Variants in CIZ1 observed in about 807,000 individuals in gnomAD.
CIZ1 encodes cip1-interacting zinc finger protein.
A neutral mutation model predicts 118.6 loss-of-function variants in CIZ1; 58 were observed. The observed-to-expected ratio is 0.49, with a 90% CI of 0.40 to 0.61. CIZ1 has a LOEUF of 0.61. Among genes scored for constraint, CIZ1 ranks in the 20% least tolerant of loss-of-function variants. The pLI, the probability that CIZ1 is intolerant of heterozygous loss-of-function variation, is 0.00. For synonymous variants in CIZ1, 448 were observed against 443.4 expected, an observed-to-expected ratio of 1.01 and a Z score of -0.13; for missense variants, 921 against 1,115.9, an observed-to-expected ratio of 0.83 and a Z score of 2.49.
chr9:128,181,820 C>T (rs1176857510), intron 5 of CIZ1, among the ~76,000 whole-genome samples: 1 of 152,072 alleles, frequency 6.6e-6, no homozygotes, highest in Non-Finnish European at 1.5e-5. Flanking sequence ...GACTCTGCTC[C>T]TCCACCTCTT....
At position 128,166,340 on chromosome 9, in the gene CIZ1, C is replaced by T; in HGVS notation, c.2554G>A (p.Ala852Thr). The change falls in exon 17 of 17, where the codon GCC becomes ACC. Residue 852 changes from alanine to threonine, a missense_variant. Ala to Thr is a moderately conservative substitution (Grantham distance 58). Transcript: ENST00000372938. The surrounding 1 kb of genome is among the most constrained non-coding windows in gnomAD (Gnocchi z 4.4). ...AACAGGGCTGTCAAAGCGTTCCGGG[C>T]GTTGATTGCGCACCGGCGGCTCACA... ...RPVSRRCAINARNALTALFTS... is the reference protein window; with the variant it reads ...RPVSRRCAINTRNALTALFTS... 1.9e-6 allele frequency: 3 copies of T among 1,564,550 alleles called. No homozygotes were observed. The highest frequency in any genetic ancestry group is 2.6e-6 in the Non-Finnish European group (3 of 1,154,180).
At chr9:128,186,641 AGGC>A (rs1832410982) in intron 4 of CIZ1, among the ~76,000 whole-genome samples, 1 of 152,148 alleles carries the variant, frequency 6.6e-6, no homozygotes, top group South Asian at 2.1e-4. Flanking sequence ...TGGGTAGCAA[AGGC>A]CATTCCTCAC....
intron 5 of CIZ1, among the ~76,000 whole-genome samples, chr9:128,181,767 G>C (rs139415973): frequency 8.2e-5 from 6 of 73,110 alleles, no homozygotes; most frequent in Non-Finnish European, 1.5e-4. Context: ...GGAAAGGCGG[G>C]GGGGGGGGGG....
chr9:128,180,659 C>T, intron 6 of CIZ1, 62 bp downstream of exon 6: 1 of 1,413,644 alleles, frequency 7.1e-7, no homozygotes, highest in South Asian at 1.2e-5. Flanking sequence ...CACCTGCTGA[C>T]CCGCCCACTG....
At chr9:128,174,167 AC>A (rs1174587934) in intron 11 of CIZ1, among the ~76,000 whole-genome samples, 1 of 151,918 alleles carries the variant, frequency 6.6e-6, no homozygotes, top group Non-Finnish European at 1.5e-5. Flanking sequence ...TCCTGGGAAC[AC>A]CCCCCTGCCT....
In CIZ1 at chr9:128,166,582, C is replaced by T. The variant is rs1829454917; in HGVS notation, c.2488-176G>A. ...GCTAACAGCCTGGCACTCAGCATCCCCTTGAACAATAAGAGCCCAACCCCA... is the reference window on the plus strand; with the variant it reads ...GCTAACAGCCTGGCACTCAGCATCCTCTTGAACAATAAGAGCCCAACCCCA... On this transcript the variant is annotated intron_variant, in intron 16 of 16. Coordinates refer to ENST00000372938, the MANE Select transcript of CIZ1 (RefSeq NM_001131016.2). The surrounding 1 kb of genome is among the most constrained non-coding windows in gnomAD (Gnocchi z 4.4). The T allele has an allele frequency of 4.1e-6, 4 of 977,042 alleles. No homozygotes were observed. In the African/African-American group the frequency reaches 6.5e-5, roughly 16 times the overall value. The allele number at this position is 977,042 out of a possible 1,614,324, so 60.5% of individuals were successfully genotyped here.
intron 7 of CIZ1, 31 bp from the exon 8 acceptor site, chr9:128,179,446 T>C (rs749541313): frequency 1.0e-5 from 16 of 1,538,672 alleles, no homozygotes; most frequent in South Asian, 2.5e-5. Context: ...ATCCCAGTCA[T>C]GTCTTCAAAG....
intron 1 of CIZ1, chr9:128,202,823 G>A (rs554729820): frequency 6.6e-6 from 1 of 152,334 alleles, no homozygotes; most frequent in Non-Finnish European, 1.5e-5. Context: ...GGCCTTGGCT[G>A]TCTTATTCGT....
chr9:128,185,893 T>G, intron 4 of CIZ1, 117 bp from the exon 5 acceptor site: 2 of 755,184 alleles, frequency 2.6e-6, no homozygotes, highest in Non-Finnish European at 4.5e-6. Flanking sequence ...GAAAGGGACC[T>G]TCCCACCCAA....
chr9:128,166,720 C>T lies in CIZ1; in HGVS notation c.2487+39G>A. On this transcript the variant is annotated intron_variant, in intron 16 of 16. Coordinates refer to ENST00000372938, the MANE Select transcript of CIZ1 (RefSeq NM_001131016.2). This position sits in a 1 kb window ranked among gnomAD's most constrained non-coding sequence, Gnocchi z 4.4. ...GAATCAGCTTGGATTAAGACTAAGT[C>T]TGTGGCCAGGGGAGGACAGGGCAGG... 1 of 1,613,854 alleles carries T rather than the reference C, an allele frequency of 6.2e-7. No individual in the cohort carries two copies. Among genetic ancestry groups the T allele is most frequent in the Non-Finnish European group, 8.5e-7 (1 of 1,179,876 alleles).
intron 5 of CIZ1, among the ~76,000 whole-genome samples, chr9:128,182,467 C>T (rs1158865810): frequency 2.0e-5 from 3 of 152,110 alleles, no homozygotes; most frequent in Non-Finnish European, 4.4e-5. Flanking sequence ...AAATGCAAAG[C>T]TGATCATGTC....
chr9:128,178,646 G>A, intron 8 of CIZ1, 63 bp downstream of exon 8: 1 of 1,581,762 alleles, frequency 6.3e-7, no homozygotes, highest in Non-Finnish European at 8.6e-7. Flanking sequence ...GTCAGGGGAG[G>A]AATGAAGGGT....
In CIZ1 at chr9:128,185,795, G is replaced by A. The variant is rs763612124; in HGVS notation, c.359-19C>T. 9 of 1,571,912 alleles carry A rather than the reference G, an allele frequency of 5.7e-6. No homozygotes were observed. The highest frequency in any genetic ancestry group is 7.9e-6 in the Non-Finnish European group (9 of 1,143,720). On this transcript the variant is annotated intron_variant, in intron 4 of 16. Transcript: ENST00000372938. ...AGGTTACCTGCAGGCAAGAAGACAG[G>A]AGAAGAGGGGTCACAATGTGGTCGG...
intron 8 of CIZ1, 42 bp from the exon 9 acceptor site, chr9:128,178,532 C>T (rs1831156124): frequency 1.9e-6 from 3 of 1,613,474 alleles, no homozygotes; most frequent in African/African-American, 2.7e-5. Context: ...GTCCCCAGGC[C>T]CAAGAGCTGC....
chr9:128,174,543 G>T (rs762012132), intron 11 of CIZ1, among the ~76,000 whole-genome samples: 5 of 152,138 alleles, frequency 3.3e-5, no homozygotes, highest in East Asian at 1.9e-4. Flanking sequence ...ATAGAAATTA[G>T]AATTTTTTTC....
rs1024723249 is a variant in CIZ1, at chr9:128,166,542, T to C, written c.2488-136A>G. 2.7e-4 allele frequency: 257 copies of C among 952,046 alleles called. No individual in the cohort carries two copies. The highest frequency in any genetic ancestry group is 2.7e-3 in the Middle Eastern group (9 of 3,362). 59.0% of individuals were successfully genotyped at this position (952,046 alleles called of 1,614,324 possible). On this transcript the variant is annotated intron_variant, in intron 16 of 16. Transcript: ENST00000372938. The surrounding 1 kb of genome is among the most constrained non-coding windows in gnomAD (Gnocchi z 4.4). ...CCCTGCGTGATGCACTCGGCCTCTCTGGGCCGTCTCTGGAGCTAACAGCCT... is the reference window on the plus strand; with the variant it reads ...CCCTGCGTGATGCACTCGGCCTCTCCGGGCCGTCTCTGGAGCTAACAGCCT...
rs1833121442 is a variant in CIZ1, at chr9:128,191,347, G to A, written c.-6+85C>T. On this transcript the variant is annotated intron_variant, in intron 1 of 16. Transcript: ENST00000372938. This position sits in a 1 kb window ranked among gnomAD's most constrained non-coding sequence, Gnocchi z 5.5. ...CACCTCCTCGCGCCCCACTCCGCCC[G>A]CTCCCACCCCGCCAGCCGCCTCCTC... The A allele has an allele frequency of 4.4e-6, 2 of 456,734 alleles. No homozygotes were observed. The highest frequency in any genetic ancestry group is 5.8e-6 in the Non-Finnish European group (2 of 343,448). The allele number at this position is 456,734 out of a possible 1,614,324, so 28.3% of individuals were successfully genotyped here.
intron 11 of CIZ1, among the ~76,000 whole-genome samples, chr9:128,171,097 T>C (rs1486073497): frequency 6.6e-6 from 1 of 150,786 alleles, no homozygotes; most frequent in Non-Finnish European, 1.5e-5. Flanking sequence ...GCACTCCAGC[T>C]GGGGCAACAC....
chr9:128,179,402 T>C lies in CIZ1; in HGVS notation c.805A>G (p.Thr269Ala), dbSNP rs1831277219. 5 of 1,599,076 alleles carry C rather than the reference T, an allele frequency of 3.1e-6. No individual in the cohort carries two copies. The highest frequency in any genetic ancestry group is 4.3e-6 in the Non-Finnish European group (5 of 1,174,306). Residue 269 changes from threonine (T) to alanine (A), a missense_variant, in exon 8 of 17, where the codon ACA becomes GCA. Thr to Ala is a moderately conservative substitution (Grantham distance 58). Coordinates refer to ENST00000372938, the MANE Select transcript of CIZ1 (RefSeq NM_001131016.2). The part of the protein sequence containing the change: ...AKRLRSSEEP[T>A]EKEPPGQLQV... ...AACTGCCCTGGAGGTTCCTTCTCTG[T>C]GGGCTCTTCTGAGCTAGGAAGGATC...
Sources: allele counts gnomAD v4.1 joint callset (sites outside exome capture counted in the v4.1 genomes callset), GRCh38; gene constraint gnomAD v4.1.1; non-coding constraint Gnocchi (gnomAD v3.1); transcripts MANE v1.5; gene names NCBI Gene and HGNC (gene_info 2026-07-23, HGNC 2026-07-21).